The following PYROXD1 variants were observed in gnomAD, a reference collection of about 807,000 sequenced individuals.
PYROXD1 encodes the protein tRNA ligase complex-associated NAD(P)H dehydrogenase PYROXD1.
In PYROXD1, 42 loss-of-function variants were observed where a neutral mutation model predicts 62.0. The ratio of observed to expected loss-of-function variants is 0.68; its 90% CI spans 0.53 to 0.88. The LOEUF (loss-of-function observed/expected upper bound fraction) is 0.88, where lower values mean the gene tolerates loss of function less well. Among genes scored for constraint, PYROXD1 ranks in the 40% least tolerant of loss-of-function variants. PYROXD1 has a pLI of 0.00. For synonymous variants in PYROXD1, 170 were observed against 206.4 expected, an observed-to-expected ratio of 0.82 and a Z score of 1.51; for missense variants, 493 against 604.8, an observed-to-expected ratio of 0.82 and a Z score of 1.94.
chr12:21,467,736 T>A, intron 11 of PYROXD1, 118 bp downstream of exon 11: 1 of 812,130 alleles, frequency 1.2e-6, no homozygotes, highest in East Asian at 2.6e-5. Flanking sequence ...TACAAAAAAA[T>A]GACATTTTTC....
intron 7 of PYROXD1, among the ~76,000 whole-genome samples, chr12:21,457,633 C>G (rs1158861641): frequency 1.3e-5 from 2 of 152,012 alleles, no homozygotes; most frequent in Non-Finnish European, 2.9e-5. Context: ...CTGGGGAGGC[C>G]TCAGGAAACT....
At chr12:21,438,034 T>C in intron 1 of PYROXD1, 2 of 574,778 alleles carry the variant, frequency 3.5e-6, no homozygotes, top group Non-Finnish European at 6.2e-6. Flanking sequence ...AGGCAAATTA[T>C]AGCCGAGAAA....
chr12:21,449,352 G>C (rs1942448850), intron 3 of PYROXD1, among the ~76,000 whole-genome samples: 2 of 122,342 alleles, frequency 1.6e-5, no homozygotes, highest in South Asian at 2.5e-4. Context: ...AATGGTTCAT[G>C]AGCTTAAAAT....
intron 4 of PYROXD1, among the ~76,000 whole-genome samples, chr12:21,450,184 A>G (rs1308579940): frequency 6.6e-6 from 1 of 151,940 alleles, no homozygotes; most frequent in Non-Finnish European, 1.5e-5. Context: ...TGCCAATTTT[A>G]TATTTTTAGT....
At chr12:21,446,431 A>C (rs1378287623) in intron 3 of PYROXD1, among the ~76,000 whole-genome samples, 1 of 151,690 alleles carries the variant, frequency 6.6e-6, no homozygotes, top group Non-Finnish European at 1.5e-5. Context: ...TCTCAAAAAA[A>C]AGAGAGAAGT....
Position 21,452,107 on chromosome 12 carries a change from TA to T in PYROXD1, c.445del (p.Arg149GlufsTer2). The T allele has an allele frequency of 6.3e-7, 1 of 1,589,326 alleles. No individual in the cohort carries two copies. The highest frequency in any genetic ancestry group is 8.6e-7 in the Non-Finnish European group (1 of 1,167,352). On this transcript the variant is annotated frameshift_variant, in exon 5 of 12. Transcript: ENST00000240651. LOFTEE classifies it high-confidence loss of function. ...AATTTCAGAAACAGCTTACTAAAGCTAAAAGAATAATGATCATAGGGAACGG... is the reference window on the plus strand; with the variant it reads ...AATTTCAGAAACAGCTTACTAAAGCTAAAGAATAATGATCATAGGGAACGG... ...QEFQKQLTKAKRIMIIGNGGI... is the reference protein window; with the variant it reads ...QEFQKQLTKAXRIMIIGNGGI...
intron 1 of PYROXD1, among the ~76,000 whole-genome samples, chr12:21,439,671 T>C (rs755924690): frequency 4.7e-4 from 71 of 152,110 alleles, no homozygotes; most frequent in Non-Finnish European, 8.2e-4. Context: ...GCTGTTTTAG[T>C]GATGGAGTAG....
intron 7 of PYROXD1, among the ~76,000 whole-genome samples, chr12:21,459,460 TAAGTA>T (rs1312038246): frequency 6.6e-6 from 1 of 152,236 alleles, no homozygotes; most frequent in Admixed American, 6.5e-5. Flanking sequence ...CCAGTAAATG[TAAGTA>T]AAGTGTTTCC....
intron 10 of PYROXD1, among the ~76,000 whole-genome samples, chr12:21,465,888 T>G (rs950185279): frequency 6.6e-5 from 10 of 152,190 alleles, no homozygotes; most frequent in African/African-American, 2.4e-4. Context: ...TACATATGGC[T>G]AGCCAGTTTT....
At chr12:21,468,107 A>C (rs747941863) in intron 11 of PYROXD1, among the ~76,000 whole-genome samples, 1 of 151,918 alleles carries the variant, frequency 6.6e-6, no homozygotes, top group Non-Finnish European at 1.5e-5. Flanking sequence ...GCTCTAATTC[A>C]GTTCCTTGCC....
chr12:21,470,923 A>G lies in PYROXD1; in HGVS notation c.*2169A>G. On this transcript the variant is annotated 3_prime_UTR_variant, in exon 12 of 12. Coordinates refer to ENST00000240651, the MANE Select transcript of PYROXD1 (RefSeq NM_024854.5). ...ACAGAAAAGCATCCCATAGGCTTTAATATACTTTTTAAAATATATAAAACT... is the reference window on the plus strand; with the variant it reads ...ACAGAAAAGCATCCCATAGGCTTTAGTATACTTTTTAAAATATATAAAACT... 9 of 1,333,692 alleles carry G rather than the reference A, an allele frequency of 6.7e-6. No homozygotes were observed. The highest frequency in any genetic ancestry group is 8.7e-6 in the Non-Finnish European group (9 of 1,029,642). 82.6% of individuals were successfully genotyped at this position (1,333,692 alleles called of 1,614,324 possible).
chr12:21,444,958 T>A (rs1942359158), intron 2 of PYROXD1, among the ~76,000 whole-genome samples: 2 of 152,222 alleles, frequency 1.3e-5, no homozygotes, highest in African/African-American at 2.4e-5. Flanking sequence ...GATGGTTTTA[T>A]AGAACAGGAA....
At chr12:21,446,644 C>T (rs1285369220) in intron 3 of PYROXD1, among the ~76,000 whole-genome samples, 2 of 151,862 alleles carry the variant, frequency 1.3e-5, no homozygotes, top group African/African-American at 2.4e-5. Context: ...TATGTACAGG[C>T]TCATGCCTAT....
Position 21,471,217 on chromosome 12 carries a change from T to G in PYROXD1, c.*2463T>G. 1.8e-6 allele frequency: 2 copies of G among 1,120,528 alleles called. No homozygotes were observed. Among genetic ancestry groups the G allele is most frequent in the Non-Finnish European group, 2.5e-6 (2 of 802,978 alleles). The allele number at this position is 1,120,528 out of a possible 1,614,324, so 69.4% of individuals were successfully genotyped here. Reference sequence around the variant, plus strand: ...AACACATTGACTTGAAATAATAAAATTTACAAGAATGCAAATAAAGCCTTT... The same window carrying G: ...AACACATTGACTTGAAATAATAAAAGTTACAAGAATGCAAATAAAGCCTTT... On this transcript the variant is annotated 3_prime_UTR_variant, in exon 12 of 12. Coordinates refer to ENST00000240651, the MANE Select transcript of PYROXD1 (RefSeq NM_024854.5).
At chr12:21,452,042 A>G (rs892845707) in intron 4 of PYROXD1, 39 bp from the exon 5 acceptor site, 10 of 1,232,492 alleles carry the variant, frequency 8.1e-6, no homozygotes, top group Middle Eastern at 1.9e-4. Flanking sequence ...ATTGCCCACT[A>G]TTACAAAATA....
intron 7 of PYROXD1, among the ~76,000 whole-genome samples, chr12:21,457,998 T>C (rs1006185072): frequency 6.6e-6 from 1 of 152,104 alleles, no homozygotes; most frequent in Admixed American, 6.6e-5. Context: ...CAGTGGTAAA[T>C]AGGCATTGGC....
At chr12:21,450,091 G>A (rs1179100672) in intron 4 of PYROXD1, among the ~76,000 whole-genome samples, 5 of 149,024 alleles carry the variant, frequency 3.4e-5, no homozygotes, top group African/African-American at 1.2e-4. Context: ...GGATGGTCTC[G>A]ATCTCCTGAC....
chr12:21,438,776 A>G (rs905564529), intron 1 of PYROXD1, among the ~76,000 whole-genome samples: 1 of 152,196 alleles, frequency 6.6e-6, no homozygotes, highest in African/African-American at 2.4e-5. Context: ...GAAGAAACTC[A>G]AGTGTTTCCA....
intron 4 of PYROXD1, 124 bp from the exon 5 acceptor site, chr12:21,451,957 T>C (rs1942506929): frequency 1.5e-6 from 1 of 650,830 alleles, no homozygotes; most frequent in East Asian, 3.2e-5. Flanking sequence ...GAAAGTGAGA[T>C]TCATTTTTTT....
Sources: allele counts gnomAD v4.1 joint callset (sites outside exome capture counted in the v4.1 genomes callset), GRCh38; gene constraint gnomAD v4.1.1; transcripts MANE v1.5; gene names NCBI Gene and HGNC (gene_info 2026-07-23, HGNC 2026-07-21).